Variants in STK32B observed in about 807,000 individuals in gnomAD.
STK32B encodes serine/threonine-protein kinase 32B.
Under a neutral mutation model 52.6 loss-of-function variants are expected in STK32B, and 43 were observed. The ratio of observed to expected loss-of-function variants is 0.82; its 90% CI spans 0.64 to 1.05. The LOEUF (loss-of-function observed/expected upper bound fraction) is 1.05. Among genes scored for constraint, STK32B ranks in the 50% least tolerant of loss-of-function variants. The pLI, the probability that STK32B is intolerant of heterozygous loss-of-function variation, is 0.00. For synonymous variants in STK32B, 238 were observed against 204.3 expected (o/e 1.17, Z -1.41); for missense variants, 621 against 534.6 (o/e 1.16, Z -1.59).
intron 3 of STK32B, among the ~76,000 whole-genome samples, chr4:5,284,561 C>G (rs1459896449): frequency 6.6e-6 from 1 of 152,128 alleles, no homozygotes; most frequent in Admixed American, 6.5e-5. Context: ...CAAACCCTTA[C>G]AGACCGTACA....
the STK32B span, among the ~76,000 whole-genome samples, chr4:5,035,837 A>G: frequency 6.7e-5 from 10 of 149,098 alleles, no homozygotes. Context: ...GCTGGAGTGC[A>G]GTGGCGCGAT....
intron 11 of STK32B, among the ~76,000 whole-genome samples, chr4:5,486,359 G>A (rs1719202460): frequency 6.6e-6 from 1 of 152,172 alleles, no homozygotes; most frequent in African/African-American, 2.4e-5. Context: ...AATGAGCGAG[G>A]CTCCGTGGGT....
chr4:5,392,303 G>A lies in STK32B; in HGVS notation c.435-5904G>A, dbSNP rs1311259363. 1.3e-5 allele frequency among the ~76,000 whole-genome samples: 2 copies of A among 152,108 alleles called. 1 individual carries two copies. The highest frequency in any genetic ancestry group is 6.3e-3 in the Middle Eastern group (2 of 316). On this transcript the variant is annotated intron_variant, in intron 4 of 11. Transcript: ENST00000282908. ...TAGTCAGGTGTGGTGGTGCACGCCTGTAATCCCAGCTACTTGGGAAGCTGA... is the reference window on the plus strand; with the variant it reads ...TAGTCAGGTGTGGTGGTGCACGCCTATAATCCCAGCTACTTGGGAAGCTGA...
upstream of STK32B, among the ~76,000 whole-genome samples, chr4:5,048,608 T>G (rs984433926): frequency 6.6e-6 from 1 of 152,324 alleles, no homozygotes; most frequent in Non-Finnish European, 1.5e-5. Context: ...AATTTTTGTA[T>G]TTTTAGTAGA....
chr4:5,192,648 T>A (rs977442830), intron 3 of STK32B, among the ~76,000 whole-genome samples: 33 of 152,242 alleles, frequency 2.2e-4, no homozygotes, highest in African/African-American at 7.7e-4. Flanking sequence ...TGTTTTGATA[T>A]GTGTACACAC....
chr4:5,257,693 A>G (rs1726420273), intron 3 of STK32B, among the ~76,000 whole-genome samples: 1 of 152,240 alleles, frequency 6.6e-6, no homozygotes, highest in Non-Finnish European at 1.5e-5. Flanking sequence ...GTGTAATCCC[A>G]GCACTTTGGG....
intron 3 of STK32B, among the ~76,000 whole-genome samples, chr4:5,308,193 A>G (rs28447412): frequency 0.011 from 1,725 of 152,250 alleles, 22 homozygotes; most frequent in South Asian, 0.057. Flanking sequence ...AGAGCTTTCA[A>G]GAGATTATGT....
chr4:5,080,752 A>G (rs999514778), intron 1 of STK32B, among the ~76,000 whole-genome samples: 8 of 152,142 alleles, frequency 5.3e-5, no homozygotes, highest in African/African-American at 1.4e-4. Flanking sequence ...ATATTAATTA[A>G]CATATATATC....
intron 6 of STK32B, among the ~76,000 whole-genome samples, chr4:5,440,289 G>T (rs57134383): frequency 2.5e-3 from 385 of 152,210 alleles, no homozygotes; most frequent in African/African-American, 8.7e-3. Flanking sequence ...TTGAGCAGTG[G>T]CTTGTAGTTC....
intron 3 of STK32B, 149 bp from the exon 4 acceptor site, chr4:5,331,071 T>C: frequency 1.4e-5 from 9 of 647,494 alleles, no homozygotes; most frequent in Non-Finnish European, 2.2e-5. Context: ...CCTTTTCCCC[T>C]TCCCCTCCAC....
intron 2 of STK32B, among the ~76,000 whole-genome samples, chr4:5,146,831 G>A (rs78177489): frequency 0.023 from 3,499 of 152,136 alleles, 122 homozygotes; most frequent in African/African-American, 0.079. Context: ...CAGGTTTCTG[G>A]TGTGTCTTAA....
chr4:5,133,023 C>T (rs1270905535), intron 1 of STK32B, among the ~76,000 whole-genome samples: 1 of 152,004 alleles, frequency 6.6e-6, no homozygotes, highest in African/African-American at 2.4e-5. Flanking sequence ...GGCTGGAACC[C>T]CTGACCTCAA....
chr4:5,269,261 C>T (rs578159550), intron 3 of STK32B, among the ~76,000 whole-genome samples: 1 of 152,132 alleles, frequency 6.6e-6, no homozygotes, highest in South Asian at 2.1e-4. Context: ...GTGCCCATGC[C>T]CACCAGCCAG....
At chr4:5,477,221 T>C (rs944618379) in intron 11 of STK32B, among the ~76,000 whole-genome samples, 1 of 152,122 alleles carries the variant, frequency 6.6e-6, no homozygotes, top group African/African-American at 2.4e-5. Flanking sequence ...CAGTGAGGTG[T>C]TCTGAAATAA....
intron 3 of STK32B, among the ~76,000 whole-genome samples, chr4:5,279,147 C>G (rs945212848): frequency 6.6e-6 from 1 of 152,206 alleles, no homozygotes; most frequent in Non-Finnish European, 1.5e-5. Flanking sequence ...CCAGCACTAA[C>G]TTGAATGTCA....
chr4:5,089,942 G>T (rs1283178519), intron 1 of STK32B, among the ~76,000 whole-genome samples: 2 of 152,116 alleles, frequency 1.3e-5, no homozygotes, highest in Non-Finnish European at 2.9e-5. Flanking sequence ...TTGTGGTTTC[G>T]ATTTGCATTT....
chr4:5,391,357 T>C (rs1736587124), intron 4 of STK32B, among the ~76,000 whole-genome samples: 1 of 152,198 alleles, frequency 6.6e-6, no homozygotes, highest in Non-Finnish European at 1.5e-5. Flanking sequence ...CAGAACTACC[T>C]TACTAGCCAA....
chr4:5,440,505 C>T (rs550254832), intron 6 of STK32B, among the ~76,000 whole-genome samples: 12 of 152,246 alleles, frequency 7.9e-5, no homozygotes, highest in South Asian at 4.1e-4. Flanking sequence ...AGATTTTGGG[C>T]TGAGACAATG....
At chr4:5,254,200 C>T (rs1463987329) in intron 3 of STK32B, among the ~76,000 whole-genome samples, 1 of 152,182 alleles carries the variant, frequency 6.6e-6, no homozygotes, top group East Asian at 1.9e-4. Context: ...CAAATTTATA[C>T]CTCTTTATTA....
Sources: allele counts gnomAD v4.1 joint callset (sites outside exome capture counted in the v4.1 genomes callset), GRCh38; gene constraint gnomAD v4.1.1; transcripts MANE v1.5; gene names NCBI Gene and HGNC (gene_info 2026-07-23, HGNC 2026-07-21).